AGO3: variants seen among roughly 807,000 people sequenced by gnomAD.
AGO3 encodes the protein protein argonaute-3.
AGO3 carries 16 observed loss-of-function variants against 105.5 expected under a neutral mutation model. The observed-to-expected ratio is 0.15, with a 90% CI of 0.10 to 0.23. The LOEUF is 0.23. Ranked by LOEUF, AGO3 falls within the 10% of genes least tolerant of loss-of-function variation. AGO3 has a pLI of 1.00. For synonymous variants in AGO3, 340 were observed against 367.3 expected (o/e 0.93, Z 0.85); for missense variants, 534 against 1,088.0 (o/e 0.49, Z 7.16).
At chr1:35,931,802 G>GCAGC (rs1646055109) in intron 1 of AGO3, among the ~76,000 whole-genome samples, 1 of 152,256 alleles carries the variant, frequency 6.6e-6, no homozygotes, top group Non-Finnish European at 1.5e-5. Flanking sequence ...TAGAGGCTGG[G>GCAGC]CAGCCAGCCA....
At chr1:36,032,637 A>C (rs932769655) in intron 12 of AGO3, among the ~76,000 whole-genome samples, 3 of 152,152 alleles carry the variant, frequency 2.0e-5, no homozygotes, top group African/African-American at 4.8e-5. Context: ...GCCTCAGCCT[A>C]CCAAAGTGCT....
intron 17 of AGO3, among the ~76,000 whole-genome samples, chr1:36,047,397 G>A (rs907173118): frequency 6.6e-6 from 1 of 151,004 alleles, no homozygotes; most frequent in Non-Finnish European, 1.5e-5. Context: ...TGATCAAGCA[G>A]AAGAATCTCT....
At chr1:36,022,023 A>G (rs1406500969) in intron 11 of AGO3, among the ~76,000 whole-genome samples, 2 of 150,920 alleles carry the variant, frequency 1.3e-5, no homozygotes. Flanking sequence ...CTGCACATTA[A>G]TAGGCATCCG....
intron 1 of AGO3, among the ~76,000 whole-genome samples, chr1:35,944,470 T>A (rs1646320983): frequency 6.6e-6 from 1 of 152,072 alleles, no homozygotes; most frequent in Non-Finnish European, 1.5e-5. Flanking sequence ...TTTTTTCACT[T>A]CTGTTATTAG....
At chr1:36,029,391 C>CTTTTTTTTTTT (rs71034710) in intron 12 of AGO3, among the ~76,000 whole-genome samples, 8 of 121,664 alleles carry the variant, frequency 6.6e-5, no homozygotes, top group Non-Finnish European at 8.8e-5. Context: ...CTCTTTCTTT[C>CTTTTTTTTTTT]TTTTTTTTTT....
intron 2 of AGO3, among the ~76,000 whole-genome samples, chr1:35,962,902 ATGT>A (rs1310181488): frequency 6.6e-6 from 1 of 152,236 alleles, no homozygotes; most frequent in Non-Finnish European, 1.5e-5. Context: ...TAATTTGATG[ATGT>A]TCTCAAATTC....
chr1:36,055,833 C>T lies in AGO3; in HGVS notation c.*88C>T. The T allele has an allele frequency of 1.6e-6, 2 of 1,288,708 alleles. No individual in the cohort carries two copies. Among genetic ancestry groups the T allele is most frequent in the Non-Finnish European group, 2.2e-6 (2 of 909,658 alleles). 79.8% of individuals were successfully genotyped at this position (1,288,708 alleles called of 1,614,324 possible). A position where few individuals can be genotyped will look rare whatever the true frequency, so the allele number is the denominator to read the frequency against. On this transcript the variant is annotated 3_prime_UTR_variant, in exon 19 of 19. Transcript: ENST00000373191. This position sits in a 1 kb window ranked among gnomAD's most constrained non-coding sequence, Gnocchi z 4.4. The stretch of plus-strand genomic sequence containing the variant: ...TCCAGTGAAGTCAATTGAGTAAGGA[C>T]ACCTCCAGCCATACAGAAACCAACA...
At chr1:36,010,775 G>A (rs6673831) in intron 9 of AGO3, among the ~76,000 whole-genome samples, 1 of 151,488 alleles carries the variant, frequency 6.6e-6, no homozygotes, top group East Asian at 1.9e-4. Flanking sequence ...GCATAGTGGC[G>A]CATGCCTATA....
chr1:36,054,140 A>C (rs1198014376), intron 17 of AGO3, among the ~76,000 whole-genome samples: 1 of 152,120 alleles, frequency 6.6e-6, no homozygotes, highest in Admixed American at 6.6e-5. Flanking sequence ...GCCCAGCCTG[A>C]ACAGATTTCC....
chr1:35,953,889 C>T (rs896478191), intron 2 of AGO3, among the ~76,000 whole-genome samples: 1 of 152,006 alleles, frequency 6.6e-6, no homozygotes, highest in Non-Finnish European at 1.5e-5. Context: ...ATAAAAGTCC[C>T]TTATTAGATA....
Position 35,991,184 on chromosome 1 carries a change from G to A in AGO3, c.659-13157G>A, listed in dbSNP as rs933493291. Among the ~76,000 whole-genome samples, 5 of 152,114 alleles carry A rather than the reference G, an allele frequency of 3.3e-5. No individual in the cohort carries two copies. The East Asian group carries it at 9.6e-4, about 29-fold the overall frequency. On this transcript the variant is annotated intron_variant, in intron 5 of 18. Coordinates refer to ENST00000373191, the MANE Select transcript of AGO3 (RefSeq NM_024852.4). ...CCGGGCATGGTGGTGTGCATCTGTA[G>A]TCCCAGCTACTCGGGAGGCTGAGAC...
In AGO3 at chr1:36,059,377, A is replaced by G. The variant is rs548340979; in HGVS notation, c.*3632A>G. ...CTATTTATTGTTGCATTTCTGGTGT[A>G]GAATTTCTAATCTTTTTTATTTTAA... On this transcript the variant is annotated 3_prime_UTR_variant, in exon 19 of 19. Coordinates refer to ENST00000373191, the MANE Select transcript of AGO3 (RefSeq NM_024852.4). The G allele has an allele frequency of 6.6e-6, 1 of 152,062 alleles. No individual in the cohort carries two copies. Among genetic ancestry groups the G allele is most frequent in the Non-Finnish European group, 1.5e-5 (1 of 67,966 alleles). The allele number at this position is 152,062 out of a possible 1,614,324, so 9.4% of individuals were successfully genotyped here. A position where few individuals can be genotyped will look rare whatever the true frequency, so the allele number is the denominator to read the frequency against.
chr1:36,014,545 G>C (rs921998830), intron 11 of AGO3, among the ~76,000 whole-genome samples: 1 of 151,318 alleles, frequency 6.6e-6, no homozygotes, highest in Admixed American at 6.6e-5. Context: ...GCCAGGGCGG[G>C]TGGATCACAA....
At chr1:35,949,979 T>C (rs1646439486) in intron 2 of AGO3, among the ~76,000 whole-genome samples, 1 of 152,094 alleles carries the variant, frequency 6.6e-6, no homozygotes. Context: ...TCCCAGCACT[T>C]TGGGAGGCTG....
At chr1:36,014,209 A>C (rs1237967215) in intron 11 of AGO3, among the ~76,000 whole-genome samples, 161 bp downstream of exon 11, 1 of 151,764 alleles carries the variant, frequency 6.6e-6, no homozygotes, top group Non-Finnish European at 1.5e-5. Flanking sequence ...CCCAGGCTGA[A>C]GTGTAGTGGC....
intron 3 of AGO3, 57 bp downstream of exon 3, chr1:35,967,132 C>CA (rs1646788485): frequency 4.6e-5 from 71 of 1,553,618 alleles, no homozygotes; most frequent in Admixed American, 1.2e-4. Flanking sequence ...TCCTTTTACA[C>CA]GCATTTATTA....
At chr1:35,946,389 G>C (rs973947803) in intron 2 of AGO3, among the ~76,000 whole-genome samples, 1 of 151,904 alleles carries the variant, frequency 6.6e-6, no homozygotes, top group Admixed American at 6.6e-5. Flanking sequence ...GCTTCCTCTC[G>C]CCTCCCCCAA....
chr1:36,039,265 G>T (rs560068603), intron 14 of AGO3, among the ~76,000 whole-genome samples: 9 of 152,196 alleles, frequency 5.9e-5, no homozygotes, highest in Non-Finnish European at 1.2e-4. Flanking sequence ...GGAGGCCAAC[G>T]CAGACGGATC....
intron 2 of AGO3, among the ~76,000 whole-genome samples, chr1:35,962,924 TAAGAG>T (rs761093541): frequency 1.1e-4 from 16 of 152,318 alleles, no homozygotes; most frequent in Non-Finnish European, 1.6e-4. Context: ...TCATTAGTAA[TAAGAG>T]AAATCTAAAT....
Sources: gnomAD v4.1 joint callset for allele counts (sites outside exome capture counted in the v4.1 genomes callset) on GRCh38, gnomAD v4.1.1 for gene constraint, Gnocchi (gnomAD v3.1) non-coding constraint, MANE v1.5 for transcripts, NCBI Gene and HGNC (gene_info 2026-07-23, HGNC 2026-07-21) for gene names.